MGST2: variants seen among roughly 807,000 people sequenced by gnomAD.
MGST2 encodes the protein glutathione peroxidase MGST2.
MGST2 carries 9 observed loss-of-function variants against 16.6 expected under a neutral mutation model. That is an observed-to-expected ratio of 0.54 (90% confidence interval 0.33 to 0.95). The LOEUF (loss-of-function observed/expected upper bound fraction) is 0.95, where lower values mean the gene tolerates loss of function less well. Ranked by LOEUF, MGST2 falls within the 40% of genes least tolerant of loss-of-function variation. The pLI is 0.03. For synonymous variants in MGST2, 79 were observed against 68.0 expected (o/e 1.16, Z -0.79); for missense variants, 159 against 175.1 (o/e 0.91, Z 0.52).
exon 6 of MGST2, chr4:139,740,365 G>A (rs916093938): frequency 1.3e-5 from 2 of 152,228 alleles, no homozygotes; most frequent in African/African-American, 2.4e-5. Context: ...CCACTGAGAC[G>A]AGCACAGCCT....
chr4:139,741,718 G>A (rs1043675004), downstream of MGST2, among the ~76,000 whole-genome samples: 18 of 152,248 alleles, frequency 1.2e-4, no homozygotes, highest in African/African-American at 4.3e-4. Flanking sequence ...CTGCACTCCA[G>A]CTTGGGTGAC....
At chr4:139,693,134 T>G (rs1172033865) in intron 2 of MGST2, among the ~76,000 whole-genome samples, 1 of 152,080 alleles carries the variant, frequency 6.6e-6, no homozygotes, top group Non-Finnish European at 1.5e-5. Context: ...TTTCAGTGAG[T>G]GGGCTGGGCG....
chr4:139,722,129 A>G (rs981270291), intron 5 of MGST2, among the ~76,000 whole-genome samples: 8 of 152,216 alleles, frequency 5.3e-5, no homozygotes, highest in African/African-American at 1.9e-4. Context: ...GTCTGGAATA[A>G]TTTTGTGAAT....
chr4:139,753,342 A>ATCTG, the MGST2 span, among the ~76,000 whole-genome samples: 5 of 14,336 alleles, frequency 3.5e-4, no homozygotes, highest in Non-Finnish European at 5.0e-4. Flanking sequence ...TTTCTTTTTA[A>ATCTG]TCTATCTATC....
chr4:139,687,375 G>T (rs1223673805), intron 2 of MGST2, among the ~76,000 whole-genome samples: 3 of 152,174 alleles, frequency 2.0e-5, no homozygotes, highest in African/African-American at 7.2e-5. Flanking sequence ...ACCAAATCAA[G>T]AGTCATTGCT....
chr4:139,706,923 G>A (rs1284699357), downstream of MGST2, among the ~76,000 whole-genome samples: 2 of 152,054 alleles, frequency 1.3e-5, no homozygotes, highest in Non-Finnish European at 2.9e-5. Context: ...TACATTTTTT[G>A]TATATTACTA....
downstream of MGST2, among the ~76,000 whole-genome samples, chr4:139,705,120 C>T (rs879124770): frequency 6.6e-5 from 10 of 152,220 alleles, no homozygotes; most frequent in Admixed American, 2.0e-4. Flanking sequence ...TGGGCTCAAG[C>T]GAGCCTCCTG....
At chr4:139,679,045 C>T (rs983716158) in intron 2 of MGST2, 51 of 202,348 alleles carry the variant, frequency 2.5e-4, no homozygotes, top group Admixed American at 1.2e-3. Flanking sequence ...CAGGATTAAT[C>T]TTTTGCCAGT....
At position 139,683,246 on chromosome 4, in the gene MGST2, G is replaced by A. The variant is rs79461969; in HGVS notation, c.158+4604G>A. ...GGAGATAGCAGTGAAATGATGGGAAGTGGTCAGGTTCTGGATATATTTTGA... is the reference window on the plus strand; with the variant it reads ...GGAGATAGCAGTGAAATGATGGGAAATGGTCAGGTTCTGGATATATTTTGA... On this transcript the variant is annotated intron_variant, in intron 2 of 4. Coordinates refer to ENST00000265498, the MANE Select transcript of MGST2 (RefSeq NM_002413.5). 3.1e-3 allele frequency among the ~76,000 whole-genome samples: 474 copies of A among 152,342 alleles called. 3 individuals carry two copies. The highest frequency in any genetic ancestry group is 3.5e-3 in the Non-Finnish European group (238 of 68,032).
downstream of MGST2, among the ~76,000 whole-genome samples, chr4:139,741,614 G>A (rs1316241067): frequency 6.6e-6 from 1 of 152,108 alleles, no homozygotes; most frequent in East Asian, 1.9e-4. Context: ...GGGCATGGTG[G>A]TGTGCACCTG....
At chr4:139,691,675 TGATGATGATG>T (rs1726592267) in intron 2 of MGST2, among the ~76,000 whole-genome samples, 58 of 142,602 alleles carry the variant, frequency 4.1e-4, no homozygotes, top group African/African-American at 1.5e-3. Context: ...CAGATGATGA[TGATGATGATG>T]ATGATGATGA....
intron 5 of MGST2, among the ~76,000 whole-genome samples, chr4:139,731,839 A>G (rs1325260766): frequency 1.3e-5 from 2 of 152,214 alleles, no homozygotes; most frequent in African/African-American, 2.4e-5. Context: ...TCTGAGCTGG[A>G]CAGTGTAGAC....
intron 3 of MGST2, among the ~76,000 whole-genome samples, chr4:139,701,623 T>C (rs1727255347): frequency 1.3e-5 from 2 of 152,166 alleles, no homozygotes; most frequent in Admixed American, 1.3e-4. Flanking sequence ...AGGGAGCTTG[T>C]ATCTTTTTCA....
In MGST2 at chr4:139,695,637, G is replaced by A. The variant is rs1289474223; in HGVS notation, c.229+370G>A. On this transcript the variant is annotated intron_variant, in intron 3 of 4. Transcript: ENST00000265498. ...CATCTCAAAAAAACAAACAAAAAAA[G>A]GAGCAGATATGCAACTATATAGCTA... 2.6e-5 allele frequency among the ~76,000 whole-genome samples: 4 copies of A among 152,014 alleles called. No homozygotes were observed. The East Asian group carries it at 5.8e-4, about 22-fold the overall frequency.
At chr4:139,691,646 A>G (rs1579314842) in intron 2 of MGST2, among the ~76,000 whole-genome samples, 1 of 137,626 alleles carries the variant, frequency 7.3e-6, no homozygotes, top group Admixed American at 6.9e-5. Context: ...AGCAACAAAC[A>G]GGGCACCCCA....
chr4:139,727,296 G>A (rs999613151), intron 5 of MGST2, among the ~76,000 whole-genome samples: 2 of 152,228 alleles, frequency 1.3e-5, no homozygotes, highest in African/African-American at 2.4e-5. Flanking sequence ...CCATTAAAGT[G>A]TAGACAAGAA....
At chr4:139,716,601 G>A (rs950484205) in intron 5 of MGST2, among the ~76,000 whole-genome samples, 1 of 152,090 alleles carries the variant, frequency 6.6e-6, no homozygotes, top group African/African-American at 2.4e-5. Flanking sequence ...CAAAGGCTGG[G>A]AATGATTGAT....
At chr4:139,748,206 G>A in the MGST2 span, among the ~76,000 whole-genome samples, 1 of 151,982 alleles carries the variant, frequency 6.6e-6, no homozygotes, top group East Asian at 1.9e-4. Flanking sequence ...TCTTTACATT[G>A]TCCAGGGCCT....
chr4:139,703,540 A>T lies in MGST2; in HGVS notation c.311+4A>T. ...ATTCAGAAGCTGCTAAAAAACGGTA[A>T]GGAGAACCCAGTAATTTTGTATTTA... On this transcript the variant is annotated splice_donor_region_variant and intron_variant, in intron 4 of 4. Coordinates refer to ENST00000265498, the MANE Select transcript of MGST2 (RefSeq NM_002413.5). 1.2e-6 allele frequency: 2 copies of T among 1,612,724 alleles called. No homozygotes were observed.
Sources: allele counts gnomAD v4.1 joint callset (sites outside exome capture counted in the v4.1 genomes callset), GRCh38; gene constraint gnomAD v4.1.1; transcripts MANE v1.5; gene names NCBI Gene and HGNC (gene_info 2026-07-23, HGNC 2026-07-21).